ADAMTS1: variants seen among roughly 807,000 people sequenced by gnomAD.
ADAMTS1 encodes A disintegrin and metalloproteinase with thrombospondin motifs 1.
A neutral mutation model predicts 87.9 loss-of-function variants in ADAMTS1; 19 were observed. The ratio of observed to expected loss-of-function variants is 0.22; its 90% CI spans 0.15 to 0.32. The LOEUF (loss-of-function observed/expected upper bound fraction) is 0.32, where lower values mean the gene tolerates loss of function less well. Among genes scored for constraint, ADAMTS1 ranks in the 10% least tolerant of loss-of-function variants. ADAMTS1 has a pLI of 1.00. For synonymous variants in ADAMTS1, 542 were observed against 501.8 expected (o/e 1.08, Z -1.07); for missense variants, 1,240 against 1,259.1 (o/e 0.98, Z 0.23).
rs1985584568 is a variant in ADAMTS1, at chr21:26,844,789, C to T, written c.166G>A (p.Glu56Lys). The change falls in exon 1 of 9, where the codon GAG becomes AAG. Residue 56 changes from glutamate to lysine, a missense_variant. Around this residue, in one of 3 missense-constraint regions of ADAMTS1, gnomAD observed 521 missense variants for 449.7 expected, o/e 1.16. Coordinates refer to ENST00000284984, the MANE Select transcript of ADAMTS1 (RefSeq NM_006988.5). ...TCCGGCACCACTAGCTCCTCGTCCT[C>T]CTCGGAGGGGCGCCCGAGTGCGTCC... ...VSDALGRPSE[E>K]DEELVVPELE... is the part of the protein sequence containing the mutation. The T allele has an allele frequency of 1.3e-6, 2 of 1,546,828 alleles. No individual in the cohort carries two copies. Among genetic ancestry groups the T allele is most frequent in the South Asian group, 1.2e-5 (1 of 84,888 alleles).
In ADAMTS1 at chr21:26,838,446, T is replaced by G. The variant is rs1272091173; in HGVS notation, c.2197A>C (p.Ser733Arg). 6.2e-7 allele frequency: 1 copy of G among 1,614,112 alleles called. No individual in the cohort carries two copies. The change falls in exon 8 of 9, where the codon AGT (serine) becomes CGT (arginine). Residue 733 changes from serine (S) to arginine (R), a missense_variant. Physicochemically the swap from Ser to Arg is moderately radical, Grantham distance 110 (BLOSUM62 -1). This residue lies in a region of ADAMTS1 where 402 missense variants were observed against 399.1 expected (regional missense o/e 1.01). Transcript: ENST00000284984. ...TCKKISGSVT[S>R]AKPGYHDIIT... ...AGGTGTTTTAAAACTTACTTTGCAC[T>G]AGTAACTGATCCTGATATTTTTTTA... is the stretch of plus-strand genomic sequence containing the variant.
In ADAMTS1 at chr21:26,844,420, C is replaced by A. The variant is rs762619850; in HGVS notation, c.535G>T (p.Ala179Ser). The change falls in exon 1 of 9, where the codon GCA (alanine) becomes TCA (serine). Residue 179 changes from alanine to serine, a missense_variant. Physicochemically the swap from Ala to Ser is moderately conservative, Grantham distance 99. This residue lies in a region of ADAMTS1 where 521 missense variants were observed against 449.7 expected (regional missense o/e 1.16). Transcript: ENST00000284984. ...ATAAPGEKPP[A>S]PLQFHLLRRN... ...CGCAGGAGGTGGAACTGTAGTGGTG[C>A]CGGCGGCTTCTCCCCTGGGGCGGCG... 9.4e-6 allele frequency: 15 copies of A among 1,588,472 alleles called. No individual in the cohort carries two copies. Among genetic ancestry groups the A allele is most frequent in the Non-Finnish European group, 1.3e-5 (15 of 1,168,166 alleles).
intron 7 of ADAMTS1, 131 bp downstream of exon 7, chr21:26,839,456 G>C (rs1398431118): frequency 1.2e-6 from 1 of 851,776 alleles, no homozygotes; most frequent in African/African-American, 1.7e-5. Flanking sequence ...TAATGTAAAA[G>C]AAAAGGAGTT....
Position 26,837,557 on chromosome 21 carries a change from A to G in ADAMTS1, c.*22T>C, listed in dbSNP as rs9982410. The G allele has an allele frequency of 1.0e-2, 16,062 of 1,608,240 alleles. 765 individuals carry two copies. In the African/African-American group the frequency reaches 0.13, roughly 13 times the overall value. ...CCTTCCTCACTTTGCCTTGCCCTCA[A>G]AGCTAACACCACTTAAACCACTTAA... On this transcript the variant is annotated 3_prime_UTR_variant, in exon 9 of 9. Coordinates refer to ENST00000284984, the MANE Select transcript of ADAMTS1 (RefSeq NM_006988.5).
chr21:26,838,326 AGATT>A (rs771577568), intron 8 of ADAMTS1, 48 bp from the exon 9 acceptor site: 1 of 1,573,250 alleles, frequency 6.4e-7, no homozygotes, highest in Non-Finnish European at 8.6e-7. Flanking sequence ...TTGGCTAATT[AGATT>A]ATTTAGCTTA....
intron 8 of ADAMTS1, 47 bp from the exon 9 acceptor site, chr21:26,838,325 T>G (rs1985419645): frequency 1.3e-6 from 2 of 1,572,578 alleles, no homozygotes; most frequent in Admixed American, 3.6e-5. Flanking sequence ...ATTGGCTAAT[T>G]AGATTATTTA....
rs1340429673 is a variant in ADAMTS1, at chr21:26,837,261, T to G, written c.*318A>C. The G allele has an allele frequency of 8.1e-6, 2 of 246,032 alleles. No individual in the cohort carries two copies. Among genetic ancestry groups the G allele is most frequent in the Non-Finnish European group, 1.6e-5 (2 of 126,642 alleles). The allele number at this position is 246,032 out of a possible 1,614,324, so 15.2% of individuals were successfully genotyped here. On this transcript the variant is annotated 3_prime_UTR_variant, in exon 9 of 9. Transcript: ENST00000284984. ...ACAGGGGTTGTAATAGTTCTAACTT[T>G]TTTTGACAATTGCTTTGTTTTTTCT... is the stretch of plus-strand genomic sequence containing the variant.
rs754087157 is a variant in ADAMTS1 at position 26,837,681 on chromosome 21, C to T, written c.2802G>A (p.Lys934=). 3.1e-6 allele frequency: 5 copies of T among 1,614,242 alleles called. No individual in the cohort carries two copies. In the East Asian group the frequency reaches 8.9e-5, roughly 29 times the overall value. The change falls in exon 9 of 9, where the codon AAG becomes AAA. Residue 934 remains lysine (K), a synonymous_variant. Transcript: ENST00000284984. ...ACACCCCTCCATCATGGGACAGACACTTCAAGCTTCTTTTTTTGTAACCCT... is the reference window on the plus strand; with the variant it reads ...ACACCCCTCCATCATGGGACAGACATTTCAAGCTTCTTTTTTTGTAACCCT... ...CGKGYKKRSL[K]CLSHDGGVLS... is the part of the protein sequence containing the mutation.
rs1005835011 is a variant in ADAMTS1, at chr21:26,841,971, G to A, written c.1097C>T (p.Thr366Ile). The change falls in exon 3 of 9, where the codon ACA becomes ATA. Residue 366 changes from threonine (T) to isoleucine (I), a missense_variant. Physicochemically the swap from Thr to Ile is moderately conservative, Grantham distance 89 (BLOSUM62 -1). Transcript: ENST00000284984. ...FTRQDLCGSQ[T>I]CDTLGMADVG... ...ATCAGCCATCCCAAGAGTATCACATGTCTGGGACCCACACAAGTCCTACAA... is the reference window on the plus strand; with the variant it reads ...ATCAGCCATCCCAAGAGTATCACATATCTGGGACCCACACAAGTCCTACAA... 4 of 1,613,878 alleles carry A rather than the reference G, an allele frequency of 2.5e-6. No individual in the cohort carries two copies. The highest frequency in any genetic ancestry group is 3.4e-6 in the Non-Finnish European group (4 of 1,180,016).
intron 7 of ADAMTS1, chr21:26,838,870 AAGTAG>A (rs1985433899): frequency 2.7e-6 from 1 of 372,196 alleles, no homozygotes; most frequent in Admixed American, 4.1e-5. Flanking sequence ...AGGTCAATGA[AAGTAG>A]AGCTGTTTGT....
chr21:26,838,120 A>G lies in ADAMTS1; in HGVS notation c.2363T>C (p.Leu788Ser), dbSNP rs920174787. ...ACCTTTGTACATAATGTCTTGCTCT[A>G]AGGTGGACAAAGTGTAGTCACCATT... Reference protein sequence around the residue: ...ILNGDYTLSTLEQDIMYKGVV... With the variant: ...ILNGDYTLSTSEQDIMYKGVV... Residue 788 changes from leucine to serine, a missense_variant, in exon 9 of 9, where the codon TTA becomes TCA. Physicochemically the swap from Leu to Ser is moderately radical, Grantham distance 145. Transcript: ENST00000284984. 1 of 1,614,028 alleles carries G rather than the reference A, an allele frequency of 6.2e-7. No individual in the cohort carries two copies. Among genetic ancestry groups the G allele is most frequent in the Non-Finnish European group, 8.5e-7 (1 of 1,180,038 alleles).
intron 6 of ADAMTS1, 29 bp from the exon 7 acceptor site, chr21:26,839,791 T>C: frequency 6.2e-7 from 1 of 1,604,266 alleles, no homozygotes; most frequent in South Asian, 1.1e-5. Context: ...GATAACATTA[T>C]CAGTTTCCAA....
chr21:26,840,140 A>C, intron 5 of ADAMTS1, 79 bp from the exon 6 acceptor site: 1 of 1,551,606 alleles, frequency 6.4e-7, no homozygotes, highest in Non-Finnish European at 8.7e-7. Flanking sequence ...CACATGGGAC[A>C]AAGAATCAGT....
rs151133425 is a variant in ADAMTS1 at position 26,837,616 on chromosome 21, T to C, written c.2867A>G (p.His956Arg). Residue 956 changes from histidine (H) to arginine (R), a missense_variant, in exon 9 of 9, where the codon CAT becomes CGT. Coordinates refer to ENST00000284984, the MANE Select transcript of ADAMTS1 (RefSeq NM_006988.5). ...TGCCATTGTGCAAAAGTCTATGAAATGTTTAGGTTTCTTTAAAGGATCACA... is the reference window on the plus strand; with the variant it reads ...TGCCATTGTGCAAAAGTCTATGAAACGTTTAGGTTTCTTTAAAGGATCACA... Reference protein sequence around the residue: ...ESCDPLKKPKHFIDFCTMAEC... With the variant: ...ESCDPLKKPKRFIDFCTMAEC... The C allele has an allele frequency of 3.1e-6, 5 of 1,613,980 alleles. No homozygotes were observed. The African/African-American group carries it at 6.7e-5, about 22-fold the overall frequency.
chr21:26,839,827 A>G, intron 6 of ADAMTS1, 48 bp downstream of exon 6: 1 of 1,605,390 alleles, frequency 6.2e-7, no homozygotes. Context: ...TTGTGGGTAC[A>G]TCTTTTTTTA....
At position 26,838,068 on chromosome 21, in the gene ADAMTS1, A is replaced by C; in HGVS notation, c.2415T>G (p.Ser805=). 6.2e-7 allele frequency: 1 copy of C among 1,614,194 alleles called. No individual in the cohort carries two copies. The highest frequency in any genetic ancestry group is 1.1e-5 in the South Asian group (1 of 91,080). Residue 805 remains serine (S), a synonymous_variant, in exon 9 of 9, where the codon TCT becomes TCG. Transcript: ENST00000284984. ...AGCTGCGAATTCTTTCCAATGCCGC[A>C]GAGGAGCCGCTGTACCTCAAGACAA... ...KGVVLRYSGS[S]AALERIRSFS...
At chr21:26,840,623 C>G (rs190811345) in intron 4 of ADAMTS1, 61 bp from the exon 5 acceptor site, 2 of 1,530,484 alleles carry the variant, frequency 1.3e-6, no homozygotes, top group African/African-American at 1.4e-5. Context: ...AGGGGTAGAT[C>G]CCATTTCAGA....
chr21:26,839,038 T>C (rs1457168328), intron 7 of ADAMTS1: 1 of 162,914 alleles, frequency 6.1e-6, no homozygotes, highest in African/African-American at 2.4e-5. Context: ...CTCAATCACA[T>C]TAAATTCCAT....
chr21:26,840,194 G>A (rs749157023), intron 5 of ADAMTS1, 82 bp downstream of exon 5: 284 of 1,561,474 alleles, frequency 1.8e-4, no homozygotes, highest in Non-Finnish European at 2.4e-4. Context: ...GGACACGGAT[G>A]GGGATGTTTA....
Sources: allele counts gnomAD v4.1 joint callset, GRCh38; gene constraint gnomAD v4.1.1; regional missense constraint gnomAD v4.1.1; transcripts MANE v1.5; gene names NCBI Gene and HGNC (gene_info 2026-07-23, HGNC 2026-07-21).